Variants in VAMP1 observed in about 807,000 individuals in gnomAD.
The protein encoded by VAMP1 is vesicle associated membrane protein 1.
VAMP1 carries 16 observed loss-of-function variants against 19.1 expected under a neutral mutation model. That is an observed-to-expected ratio of 0.84 (90% CI 0.57 to 1.27). The LOEUF is 1.27. VAMP1 is among the 50% of genes most tolerant of loss of function. The pLI is 0.00. For missense variants in VAMP1, 109 were observed against 145.4 expected (o/e 0.75, Z 1.29); for synonymous variants, 37 against 50.2 (o/e 0.74, Z 1.11).
chr12:6,462,798 G>A lies in VAMP1; in HGVS notation c.*1672C>T, dbSNP rs200887784. On this transcript the variant is annotated 3_prime_UTR_variant, in exon 5 of 5. Transcript: ENST00000396308. ...AGAGTGGAGACCTTCGAGGGGGGCC[G>A]TTGGGAGGGTACTGACTGCTTTCTT... 309 of 1,589,062 alleles carry A rather than the reference G, an allele frequency of 1.9e-4. No individual in the cohort carries two copies. Among genetic ancestry groups the A allele is most frequent in the African/African-American group, 1.7e-3 (126 of 74,604 alleles).
Position 6,464,757 on chromosome 12 carries a change from G to A in VAMP1, c.340+133C>T, listed in dbSNP as rs916721295. 4.6e-6 allele frequency: 7 copies of A among 1,531,584 alleles called. No individual in the cohort carries two copies. In the African/African-American group the frequency reaches 6.9e-5, roughly 15 times the overall value. 94.9% of individuals were successfully genotyped at this position (1,531,584 alleles called of 1,614,324 possible). A position where few individuals can be genotyped will look rare whatever the true frequency, so the allele number is the denominator to read the frequency against. On this transcript the variant is annotated intron_variant, in intron 4 of 4. Coordinates refer to ENST00000396308, the MANE Select transcript of VAMP1 (RefSeq NM_014231.5). ...CTGCCCTTCCCCCGTCCCGAACCAGGTGACGATCCCATAGCAGCGGTCTCC... is the reference window on the plus strand; with the variant it reads ...CTGCCCTTCCCCCGTCCCGAACCAGATGACGATCCCATAGCAGCGGTCTCC...
chr12:6,468,971 A>C (rs138056540), intron 1 of VAMP1, among the ~76,000 whole-genome samples: 26 of 152,342 alleles, frequency 1.7e-4, no homozygotes, highest in Non-Finnish European at 3.2e-4. Context: ...AAAGTCACCT[A>C]AAAGGAAATT....
In VAMP1 at chr12:6,464,202, G is replaced by C; in HGVS notation, c.*268C>G. On this transcript the variant is annotated 3_prime_UTR_variant, in exon 5 of 5. Transcript: ENST00000396308. Reference sequence around the variant, plus strand: ...TTGGCCTCCAACTCTTTGGGGCTTTGGGGGAACTTGAGAGTACAGAAAAAG... The same window carrying C: ...TTGGCCTCCAACTCTTTGGGGCTTTCGGGGAACTTGAGAGTACAGAAAAAG... 6.1e-6 allele frequency: 9 copies of C among 1,483,388 alleles called. No individual in the cohort carries two copies. The highest frequency in any genetic ancestry group is 8.1e-6 in the Non-Finnish European group (9 of 1,112,760). The allele number at this position is 1,483,388 out of a possible 1,614,324, so 91.9% of individuals were successfully genotyped here. A position where few individuals can be genotyped will look rare whatever the true frequency, so the allele number is the denominator to read the frequency against.
chr12:6,464,265 A>G lies in VAMP1; in HGVS notation c.*205T>C, dbSNP rs1461750509. 2 of 1,530,258 alleles carry G rather than the reference A, an allele frequency of 1.3e-6. No individual in the cohort carries two copies. The highest frequency in any genetic ancestry group is 1.4e-5 in the African/African-American group (1 of 72,606). The allele number at this position is 1,530,258 out of a possible 1,614,324, so 94.8% of individuals were successfully genotyped here. A position where few individuals can be genotyped will look rare whatever the true frequency, so the allele number is the denominator to read the frequency against. ...AGGCGCCAGCTGTTGCTCTTCGGGT[A>G]ATGACTTAGATTGTGCCACGAGCAG... On this transcript the variant is annotated 3_prime_UTR_variant, in exon 5 of 5. Transcript: ENST00000396308.
intron 1 of VAMP1, chr12:6,466,695 G>A (rs923566153): frequency 4.6e-6 from 1 of 215,666 alleles, no homozygotes; most frequent in African/African-American, 2.4e-5. Context: ...CATTTGGATG[G>A]GGTTCAGGGA....
In VAMP1 at chr12:6,464,069, T is replaced by C; in HGVS notation, c.*401A>G. The C allele has an allele frequency of 7.7e-7, 1 of 1,300,566 alleles. No homozygotes were observed. Among genetic ancestry groups the C allele is most frequent in the East Asian group, 5.2e-5 (1 of 19,064 alleles). The allele number at this position is 1,300,566 out of a possible 1,614,324, so 80.6% of individuals were successfully genotyped here. Reference sequence around the variant, plus strand: ...CCAGCCCCTCCCTAGCTCCTACCAGTGGCCAGGTTTTCTAGAAGTCACCAT... The same window carrying C: ...CCAGCCCCTCCCTAGCTCCTACCAGCGGCCAGGTTTTCTAGAAGTCACCAT... On this transcript the variant is annotated 3_prime_UTR_variant, in exon 5 of 5. Transcript: ENST00000396308.
chr12:6,464,326 G>T lies in VAMP1; in HGVS notation c.*144C>A, dbSNP rs770880125. ...GTTGAGGGACAGAGTGCAAATGAAC[G>T]CAACGAAAAAGGAGGAATGGGTGAT... On this transcript the variant is annotated 3_prime_UTR_variant, in exon 5 of 5. Coordinates refer to ENST00000396308, the MANE Select transcript of VAMP1 (RefSeq NM_014231.5). 40 of 1,548,526 alleles carry T rather than the reference G, an allele frequency of 2.6e-5. No homozygotes were observed. In the South Asian group the frequency reaches 4.7e-4, roughly 18 times the overall value.
intron 1 of VAMP1, 26 bp downstream of exon 1, chr12:6,470,504 G>A (rs774734467): frequency 7.4e-6 from 12 of 1,613,846 alleles, no homozygotes; most frequent in Admixed American, 5.0e-5. Flanking sequence ...AGGAGGTGCC[G>A]AGCCCCCACA....
chr12:6,465,440 A>AG lies in VAMP1; in HGVS notation c.288+401_288+402insC, dbSNP rs1266542402. 608 of 136,522 alleles carry AG rather than the reference A, an allele frequency of 4.5e-3. 6 individuals are homozygous for AG. Among genetic ancestry groups the AG allele is most frequent in the East Asian group, 0.022 (103 of 4,638 alleles). 8.5% of individuals were successfully genotyped at this position (136,522 alleles called of 1,614,324 possible). A position where few individuals can be genotyped will look rare whatever the true frequency, so the allele number is the denominator to read the frequency against. ...TATATATATATATAAATGTATATAT[A>AG]TGTATATATACATATGTGTATATAT... On this transcript the variant is annotated intron_variant, in intron 3 of 4. Coordinates refer to ENST00000396308, the MANE Select transcript of VAMP1 (RefSeq NM_014231.5).
rs1949956108 is a variant in VAMP1, at chr12:6,464,561, A to C, written c.341-75T>G. On this transcript the variant is annotated intron_variant, in intron 4 of 4. Transcript: ENST00000396308. ...AGAAAACAAGAGGGTGAATTACACC[A>C]AGTTACCAGACATTCAGGTCTCTCC... 6.8e-6 allele frequency: 10 copies of C among 1,464,258 alleles called. No individual in the cohort carries two copies. In the Middle Eastern group the frequency reaches 9.4e-4, roughly 138 times the overall value. The allele number at this position is 1,464,258 out of a possible 1,614,324, so 90.7% of individuals were successfully genotyped here.
rs1479653086 is a variant in VAMP1, at chr12:6,464,785, A to G, written c.340+105T>C. The stretch of plus-strand genomic sequence containing the variant: ...ACGATCCCATAGCAGCGGTCTCCAT[A>G]CCTCAGTCAGAGCAGCCCCACTCCC... On this transcript the variant is annotated intron_variant, in intron 4 of 4. Coordinates refer to ENST00000396308, the MANE Select transcript of VAMP1 (RefSeq NM_014231.5). The G allele has an allele frequency of 8.2e-6, 13 of 1,581,700 alleles. No homozygotes were observed. In the East Asian group the frequency reaches 2.9e-4, roughly 36 times the overall value.
At chr12:6,469,454 T>G (rs2240868) in intron 1 of VAMP1, among the ~76,000 whole-genome samples, 16 of 152,070 alleles carry the variant, frequency 1.1e-4, no homozygotes, top group African/African-American at 3.9e-4. Flanking sequence ...TTGCCCAAAA[T>G]GCATAGAACA....
At chr12:6,469,577 A>G (rs1446900286) in intron 1 of VAMP1, among the ~76,000 whole-genome samples, 1 of 152,250 alleles carries the variant, frequency 6.6e-6, no homozygotes, top group Non-Finnish European at 1.5e-5. Flanking sequence ...ACTCAACAGT[A>G]AAATATCTAG....
At position 6,463,242 on chromosome 12, in the gene VAMP1, C is replaced by G; in HGVS notation, c.*1228G>C. On this transcript the variant is annotated 3_prime_UTR_variant, in exon 5 of 5. Transcript: ENST00000396308. This position sits in a 1 kb window ranked among gnomAD's most constrained non-coding sequence, Gnocchi z 4.0. ...AAAGGGGAATATACTACAGGAAGAA[C>G]AGAGAGGCGGCTCTCAAGGAGAGGG... The G allele has an allele frequency of 2.9e-6, 4 of 1,387,420 alleles. No homozygotes were observed. Among genetic ancestry groups the G allele is most frequent in the Non-Finnish European group, 3.7e-6 (4 of 1,071,084 alleles). 85.9% of individuals were successfully genotyped at this position (1,387,420 alleles called of 1,614,324 possible). A position where few individuals can be genotyped will look rare whatever the true frequency, so the allele number is the denominator to read the frequency against.
Position 6,462,296 on chromosome 12 carries a change from T to C in VAMP1, c.*2174A>G. 1 of 618,320 alleles carries C rather than the reference T, an allele frequency of 1.6e-6. No homozygotes were observed. Among genetic ancestry groups the C allele is most frequent in the East Asian group, 2.8e-5 (1 of 35,710 alleles). The allele number at this position is 618,320 out of a possible 1,614,324, so 38.3% of individuals were successfully genotyped here. On this transcript the variant is annotated 3_prime_UTR_variant, in exon 5 of 5. Transcript: ENST00000396308. ...TCAGAATACATGACATTGGTAAATA[T>C]GCCACATGCCTTTGGTGGAAGTACA...
At chr12:6,466,400 G>A (rs1302682294) in intron 1 of VAMP1, 49 bp from the exon 2 acceptor site, 8 of 1,580,498 alleles carry the variant, frequency 5.1e-6, no homozygotes, top group Non-Finnish European at 6.9e-6. Context: ...GACAAGAAAG[G>A]AGCTGGGCGT....
chr12:6,464,138 G>T lies in VAMP1; in HGVS notation c.*332C>A, dbSNP rs1441454586. The T allele has an allele frequency of 8.7e-6, 12 of 1,377,622 alleles. No homozygotes were observed. Among genetic ancestry groups the T allele is most frequent in the Non-Finnish European group, 1.1e-5 (12 of 1,045,766 alleles). The allele number at this position is 1,377,622 out of a possible 1,614,324, so 85.3% of individuals were successfully genotyped here. On this transcript the variant is annotated 3_prime_UTR_variant, in exon 5 of 5. Coordinates refer to ENST00000396308, the MANE Select transcript of VAMP1 (RefSeq NM_014231.5). ...CCTCCCAAGTCTGGGCAGCTTCATGGGTACTTCGCCTCAGCCACTCCCCTC... is the reference window on the plus strand; with the variant it reads ...CCTCCCAAGTCTGGGCAGCTTCATGTGTACTTCGCCTCAGCCACTCCCCTC...
chr12:6,463,895 A>G lies in VAMP1; in HGVS notation c.*575T>C, dbSNP rs2534714. 0.31 allele frequency: 393,132 copies of G among 1,284,760 alleles called. 61,207 individuals carry two copies. The highest frequency in any genetic ancestry group is 0.35 in the South Asian group (27,882 of 80,216). The allele number at this position is 1,284,760 out of a possible 1,614,324, so 79.6% of individuals were successfully genotyped here. A position where few individuals can be genotyped will look rare whatever the true frequency, so the allele number is the denominator to read the frequency against. On this transcript the variant is annotated 3_prime_UTR_variant, in exon 5 of 5. Coordinates refer to ENST00000396308, the MANE Select transcript of VAMP1 (RefSeq NM_014231.5). This position sits in a 1 kb window ranked among gnomAD's most constrained non-coding sequence, Gnocchi z 4.0. ...AAAATCCTGGACGAACAGATTAGAA[A>G]TAACTACAAAAAACAAGTTTTTACT...
In VAMP1 at chr12:6,467,597, A is replaced by C. The variant is rs543359617; in HGVS notation, c.3-1246T>G. On this transcript the variant is annotated intron_variant, in intron 1 of 4. Transcript: ENST00000396308. ...AAACCATTTTTTTGAGAAGAAATTC[A>C]AGGCAGCTGCAGAAATTTGCATAAG... Among the ~76,000 whole-genome samples the C allele has an allele frequency of 2.0e-5, 3 of 152,374 alleles. No individual in the cohort carries two copies. In the South Asian group the frequency reaches 6.2e-4, roughly 32 times the overall value.
Sources: allele counts gnomAD v4.1 joint callset (sites outside exome capture counted in the v4.1 genomes callset), GRCh38; gene constraint gnomAD v4.1.1; non-coding constraint Gnocchi (gnomAD v3.1); transcripts MANE v1.5; gene names NCBI Gene and HGNC (gene_info 2026-07-23, HGNC 2026-07-21).